LEKR1: variants seen among roughly 807,000 people sequenced by gnomAD.
LEKR1 encodes protein LEKR1.
Under a neutral mutation model 72.4 loss-of-function variants are expected in LEKR1, and 59 were observed. That is an observed-to-expected ratio of 0.82 (90% CI 0.66 to 1.01). The LOEUF (loss-of-function observed/expected upper bound fraction) is 1.01, where lower values mean the gene tolerates loss of function less well. Among genes scored for constraint, LEKR1 ranks in the 50% least tolerant of loss-of-function variants. LEKR1 has a pLI of 0.00. For missense variants in LEKR1, 728 were observed against 759.2 expected (o/e 0.96, Z 0.48); for synonymous variants, 257 against 263.2 (o/e 0.98, Z 0.23).
chr3:156,907,580 A>G (rs1056388183), intron 3 of LEKR1, among the ~76,000 whole-genome samples: 36 of 151,994 alleles, frequency 2.4e-4, no homozygotes, highest in Non-Finnish European at 4.0e-4. Context: ...CTTTTATACC[A>G]CAATTTGTAC....
intron 7 of LEKR1, among the ~76,000 whole-genome samples, chr3:156,987,448 A>C (rs908230950): frequency 3.3e-5 from 5 of 152,244 alleles, no homozygotes; most frequent in African/African-American, 9.6e-5. Flanking sequence ...GAAAGTGTAC[A>C]TAACAGTCTG....
intron 6 of LEKR1, among the ~76,000 whole-genome samples, chr3:156,946,171 T>A (rs1726660421): frequency 6.6e-6 from 1 of 151,624 alleles, no homozygotes; most frequent in African/African-American, 2.4e-5. Flanking sequence ...TTTGGTTAGG[T>A]TTATTCCTAG....
intron 6 of LEKR1, among the ~76,000 whole-genome samples, chr3:156,973,830 A>G (rs183338460): frequency 2.6e-5 from 4 of 152,274 alleles, no homozygotes; most frequent in Admixed American, 2.6e-4. Flanking sequence ...ACTACTTTGT[A>G]TTCTTCATAT....
chr3:156,974,359 T>A (rs1210417714), intron 6 of LEKR1, among the ~76,000 whole-genome samples: 1 of 152,186 alleles, frequency 6.6e-6, no homozygotes, highest in Non-Finnish European at 1.5e-5. Flanking sequence ...AAGATGCAGG[T>A]TAGAAGGTAT....
At chr3:156,876,724 G>A (rs1320831461) in intron 3 of LEKR1, among the ~76,000 whole-genome samples, 2 of 152,130 alleles carry the variant, frequency 1.3e-5, no homozygotes, top group African/African-American at 4.8e-5. Flanking sequence ...CATTTTGGAT[G>A]AGTCTTTAGG....
At chr3:157,030,365 A>G (rs1366241191) in intron 12 of LEKR1, among the ~76,000 whole-genome samples, 1 of 152,200 alleles carries the variant, frequency 6.6e-6, no homozygotes, top group Non-Finnish European at 1.5e-5. Context: ...AACAGCATCT[A>G]TCTGGGTGCC....
At chr3:156,884,613 C>T (rs1719857618) in intron 3 of LEKR1, among the ~76,000 whole-genome samples, 2 of 152,144 alleles carry the variant, frequency 1.3e-5, no homozygotes, top group Admixed American at 1.3e-4. Context: ...GACCCCAATC[C>T]CTTCTGGCTT....
chr3:156,862,186 G>A (rs1716840000), intron 3 of LEKR1, among the ~76,000 whole-genome samples: 1 of 151,906 alleles, frequency 6.6e-6, no homozygotes, highest in Non-Finnish European at 1.5e-5. Context: ...CCAAAATAAG[G>A]TACATTTTTT....
intron 11 of LEKR1, among the ~76,000 whole-genome samples, chr3:157,025,726 T>C (rs1188554716): frequency 6.6e-6 from 1 of 152,154 alleles, no homozygotes; most frequent in African/African-American, 2.4e-5. Context: ...GATACTACCT[T>C]GAAATTCTTA....
intron 3 of LEKR1, among the ~76,000 whole-genome samples, chr3:156,883,280 A>G (rs1362754174): frequency 6.6e-6 from 1 of 152,186 alleles, no homozygotes; most frequent in African/African-American, 2.4e-5. Context: ...TATTTACCCA[A>G]ATGCCTGCAC....
At chr3:157,010,408 G>A (rs11929637) in intron 9 of LEKR1, among the ~76,000 whole-genome samples, 13,798 of 152,010 alleles carry the variant, frequency 0.091, 693 homozygotes, top group African/African-American at 0.12. Context: ...CAGAAGTCAG[G>A]AAGAAAGGAA....
At chr3:157,023,481 C>CA (rs1733977523) in intron 10 of LEKR1, among the ~76,000 whole-genome samples, 1 of 152,124 alleles carries the variant, frequency 6.6e-6, no homozygotes, top group Non-Finnish European at 1.5e-5. Context: ...AGGTGTGAGG[C>CA]ACCCAGCAGT....
At chr3:156,913,335 G>A (rs1388839245) in intron 3 of LEKR1, among the ~76,000 whole-genome samples, 1 of 152,110 alleles carries the variant, frequency 6.6e-6, no homozygotes, top group Non-Finnish European at 1.5e-5. Context: ...TTCTTGCAGA[G>A]ATCTTTCACC....
At chr3:157,038,777 G>A (rs938470026) in intron 12 of LEKR1, among the ~76,000 whole-genome samples, 3 of 152,200 alleles carry the variant, frequency 2.0e-5, no homozygotes, top group African/African-American at 4.8e-5. Context: ...TAGAAAGTTA[G>A]TAAGTACAGT....
At position 157,034,439 on chromosome 3, in the gene LEKR1, T is replaced by C. The variant is rs543720447; in HGVS notation, c.1668+6037T>C. On this transcript the variant is annotated intron_variant, in intron 12 of 12. Coordinates refer to ENST00000356539, the MANE Select transcript of LEKR1 (RefSeq NM_001004316.3). ...ATGGATGACTTTGAAGGTTTAAAAC[T>C]TCAGTGGAGGAAGTGGCAGAAATAG... Among the ~76,000 whole-genome samples, 15 of 152,260 alleles carry C rather than the reference T, an allele frequency of 9.9e-5. No individual in the cohort carries two copies. In the South Asian group the frequency reaches 2.7e-3, roughly 27 times the overall value.
intron 2 of LEKR1, among the ~76,000 whole-genome samples, chr3:156,845,312 T>A (rs75555041): frequency 0.066 from 10,069 of 152,068 alleles, 406 homozygotes; most frequent in African/African-American, 0.11. Context: ...TTGCAAGGTC[T>A]TTTACAGATC....
intron 1 of LEKR1, among the ~76,000 whole-genome samples, chr3:156,828,259 A>G (rs577872922): frequency 9.8e-5 from 15 of 152,366 alleles, no homozygotes; most frequent in African/African-American, 3.4e-4. Flanking sequence ...TAATGCCACT[A>G]TAGGACTTTT....
chr3:156,930,351 T>A (rs559149015), intron 5 of LEKR1, among the ~76,000 whole-genome samples: 9 of 152,150 alleles, frequency 5.9e-5, no homozygotes, highest in East Asian at 1.9e-4. Flanking sequence ...AATTTTTTTT[T>A]AAAAACTCAC....
At chr3:157,032,968 G>A (rs1325104783) in intron 12 of LEKR1, among the ~76,000 whole-genome samples, 2 of 152,084 alleles carry the variant, frequency 1.3e-5, no homozygotes, top group Non-Finnish European at 2.9e-5. Flanking sequence ...TATTATATCT[G>A]TTATGGCCAC....
Sources: allele counts gnomAD v4.1 joint callset (sites outside exome capture counted in the v4.1 genomes callset), GRCh38; gene constraint gnomAD v4.1.1; transcripts MANE v1.5; gene names NCBI Gene and HGNC (gene_info 2026-07-23, HGNC 2026-07-21).